Variants in SEL1L3 observed in about 807,000 individuals in gnomAD.
The protein encoded by SEL1L3 is SEL1L family member 3.
Under a neutral mutation model 142.8 loss-of-function variants are expected in SEL1L3, and 76 were observed. That is an observed-to-expected ratio of 0.53 (90% CI 0.44 to 0.64). The LOEUF (loss-of-function observed/expected upper bound fraction) is 0.64, where lower values mean the gene tolerates loss of function less well. Among genes scored for constraint, SEL1L3 ranks in the 30% least tolerant of loss-of-function variants. The probability of loss-of-function intolerance (pLI) is 0.00; values close to 1 mark genes in which losing one functional copy is unlikely to be tolerated. For missense variants in SEL1L3, 1,262 were observed against 1,381.7 expected (o/e 0.91, Z 1.37); for synonymous variants, 504 against 519.6 (o/e 0.97, Z 0.41).
In SEL1L3 at chr4:25,759,055, A is replaced by G. The variant is rs985438418; in HGVS notation, c.2969T>C (p.Leu990Pro). Residue 990 changes from leucine (L) to proline (P), a missense_variant, in exon 21 of 24, where the codon CTG becomes CCG. Coordinates refer to ENST00000399878, the MANE Select transcript of SEL1L3 (RefSeq NM_015187.5). Reference protein sequence around the residue: ...LDGDSQGFFNLALLIEEGTII... With the variant: ...LDGDSQGFFNPALLIEEGTII... ...CGTACCTTCCTCGATTAGCAGGGCCAGGTTAAAAAATCCCTAAAAACAAGC... is the reference window on the plus strand; with the variant it reads ...CGTACCTTCCTCGATTAGCAGGGCCGGGTTAAAAAATCCCTAAAAACAAGC... 8.1e-6 allele frequency: 13 copies of G among 1,613,128 alleles called. No individual in the cohort carries two copies. Among genetic ancestry groups the G allele is most frequent in the Non-Finnish European group, 1.0e-5 (12 of 1,179,728 alleles).
In SEL1L3 at chr4:25,763,402, C is replaced by A. The variant is rs922723781; in HGVS notation, c.2955+1924G>T. Among the ~76,000 whole-genome samples the A allele has an allele frequency of 2.6e-5, 4 of 152,120 alleles. No homozygotes were observed. The South Asian group carries it at 8.3e-4, about 31-fold the overall frequency. ...ATCTATGAGGCAGATGCTCTTATTA[C>A]CCCCATTTACATTTACACATGCACA... is the stretch of plus-strand genomic sequence containing the variant. On this transcript the variant is annotated intron_variant, in intron 20 of 23. Coordinates refer to ENST00000399878, the MANE Select transcript of SEL1L3 (RefSeq NM_015187.5).
rs376248192 is a variant in SEL1L3 at position 25,790,406 on chromosome 4, A to G, written c.2076+49T>C. On this transcript the variant is annotated intron_variant, in intron 12 of 23. Transcript: ENST00000399878. ...ATGTTTCATTACCACGGTATAACCCAGTCTATCATGGCTGACAGAATCCCC... is the reference window on the plus strand; with the variant it reads ...ATGTTTCATTACCACGGTATAACCCGGTCTATCATGGCTGACAGAATCCCC... 77 of 1,591,056 alleles carry G rather than the reference A, an allele frequency of 4.8e-5. No homozygotes were observed. In the East Asian group the frequency reaches 1.5e-3, roughly 30 times the overall value.
chr4:25,726,357 G>C, the SEL1L3 span, among the ~76,000 whole-genome samples: 1 of 151,750 alleles, frequency 6.6e-6, no homozygotes. Flanking sequence ...GTGAAACCCC[G>C]TCTCTACTAA....
the SEL1L3 span, among the ~76,000 whole-genome samples, chr4:25,727,009 C>T: frequency 1.3e-5 from 2 of 151,862 alleles, no homozygotes; most frequent in African/African-American, 2.4e-5. Flanking sequence ...CGTCCCCCAG[C>T]GCCCTTCGTG....
chr4:25,834,650 C>T (rs1442351345), intron 3 of SEL1L3, among the ~76,000 whole-genome samples: 2 of 152,124 alleles, frequency 1.3e-5, no homozygotes, highest in East Asian at 1.9e-4. Flanking sequence ...AACATACGCT[C>T]GGTAAAGTGA....
chr4:25,764,096 C>A (rs941221306), intron 20 of SEL1L3, among the ~76,000 whole-genome samples: 14 of 152,140 alleles, frequency 9.2e-5, no homozygotes, highest in Non-Finnish European at 1.8e-4. Context: ...TCGTAATAGG[C>A]AAAATTCTTG....
chr4:25,737,595 A>G, the SEL1L3 span, among the ~76,000 whole-genome samples: 94 of 152,286 alleles, frequency 6.2e-4, 1 homozygote, highest in South Asian at 0.014. Context: ...TAGGGATTCT[A>G]CATTTGAGTT....
intron 17 of SEL1L3, among the ~76,000 whole-genome samples, chr4:25,775,159 T>G (rs1308589354): frequency 2.0e-5 from 3 of 152,212 alleles, no homozygotes; most frequent in African/African-American, 2.4e-5. Flanking sequence ...ACAAAAATTG[T>G]AAGGTACATT....
intron 2 of SEL1L3, among the ~76,000 whole-genome samples, chr4:25,838,465 C>G (rs900481176): frequency 2.4e-4 from 36 of 152,340 alleles, no homozygotes; most frequent in African/African-American, 8.7e-4. Flanking sequence ...AGAAGAAGCT[C>G]TAATATGACT....
rs2109104810 is a variant in SEL1L3, at chr4:25,748,228, G to A, written c.*197C>T. The A allele has an allele frequency of 1.8e-6, 1 of 568,476 alleles. No individual in the cohort carries two copies. The highest frequency in any genetic ancestry group is 3.1e-6 in the Non-Finnish European group (1 of 320,948). The allele number at this position is 568,476 out of a possible 1,614,324, so 35.2% of individuals were successfully genotyped here. ...AAGATGTTCCTTGTATGTGTTTGAT[G>A]ACCTTTGGTATTACCACTGCCTGAT... On this transcript the variant is annotated 3_prime_UTR_variant, in exon 24 of 24. Coordinates refer to ENST00000399878, the MANE Select transcript of SEL1L3 (RefSeq NM_015187.5).
At chr4:25,847,244 G>T in intron 2 of SEL1L3, 50 bp downstream of exon 2, 2 of 1,459,542 alleles carry the variant, frequency 1.4e-6, no homozygotes, top group South Asian at 2.6e-5. Flanking sequence ...TCATGATACA[G>T]GCTATCTGAA....
At chr4:25,860,857 T>C (rs1717656469) in intron 1 of SEL1L3, among the ~76,000 whole-genome samples, 1 of 152,230 alleles carries the variant, frequency 6.6e-6, no homozygotes, top group South Asian at 2.1e-4. Flanking sequence ...ACTCCTTCAC[T>C]ATCTCACTTG....
chr4:25,839,034 A>G (rs565319617), intron 2 of SEL1L3, among the ~76,000 whole-genome samples: 15 of 152,346 alleles, frequency 9.8e-5, no homozygotes, highest in Non-Finnish European at 1.9e-4. Context: ...AGGAATCACA[A>G]TGACTACAAG....
At position 25,774,394 on chromosome 4, in the gene SEL1L3, T is replaced by C. The variant is rs183427425; in HGVS notation, c.2669+1883A>G. Among the ~76,000 whole-genome samples, 70 of 152,142 alleles carry C rather than the reference T, an allele frequency of 4.6e-4. No homozygotes were observed. In the Middle Eastern group the frequency reaches 0.014, roughly 30 times the overall value. The stretch of plus-strand genomic sequence containing the variant: ...CAAAGGGTACAGGACACACTTCAGG[T>C]CTCCTTTCTCCTTCCCCCAACCAAC... On this transcript the variant is annotated intron_variant, in intron 17 of 23. Transcript: ENST00000399878.
intron 9 of SEL1L3, among the ~76,000 whole-genome samples, chr4:25,809,990 G>A (rs1278259308): frequency 1.3e-5 from 2 of 152,224 alleles, no homozygotes; most frequent in Non-Finnish European, 2.9e-5. Flanking sequence ...GGCGTATTGT[G>A]TGGGGACACC....
At chr4:25,751,203 T>C (rs1717565783) in intron 23 of SEL1L3, among the ~76,000 whole-genome samples, 1 of 152,276 alleles carries the variant, frequency 6.6e-6, no homozygotes, top group Middle Eastern at 3.4e-3. Flanking sequence ...GCCTGATCCA[T>C]TAAGGCAATT....
rs538979656 is a variant in SEL1L3 at position 25,845,858 on chromosome 4, G to A, written c.733+1436C>T. Among the ~76,000 whole-genome samples, 25 of 152,250 alleles carry A rather than the reference G, an allele frequency of 1.6e-4. No individual in the cohort carries two copies. The South Asian group carries it at 5.0e-3, about 30-fold the overall frequency. ...CAAGCCTGGCTGGGGGTCGGGACAC[G>A]GGAACCATAGCAATCCTAAGTCCAA... is the stretch of plus-strand genomic sequence containing the variant. On this transcript the variant is annotated intron_variant, in intron 2 of 23. Transcript: ENST00000399878.
At chr4:25,793,082 T>C (rs923396167) in intron 11 of SEL1L3, among the ~76,000 whole-genome samples, 1 of 152,230 alleles carries the variant, frequency 6.6e-6, no homozygotes, top group African/African-American at 2.4e-5. Flanking sequence ...ACAGTCACCA[T>C]GAATATCCTC....
At position 25,782,307 on chromosome 4, in the gene SEL1L3, C is replaced by A; in HGVS notation, c.2392G>T (p.Ala798Ser). ...LKAEEMGNPD[A>S]SYNLGVLHLD... ...TGCAGGACTCCAAGATTGTATGACG[C>A]ATCTGGGTTCCCCATTTCTTCTGCT... Residue 798 changes from alanine to serine, a missense_variant, in exon 15 of 24, where the codon GCG becomes TCG. Transcript: ENST00000399878. The A allele has an allele frequency of 6.2e-7, 1 of 1,613,922 alleles. No homozygotes were observed. Among genetic ancestry groups the A allele is most frequent in the Non-Finnish European group, 8.5e-7 (1 of 1,179,804 alleles).
Sources: allele counts gnomAD v4.1 joint callset (sites outside exome capture counted in the v4.1 genomes callset), GRCh38; gene constraint gnomAD v4.1.1; transcripts MANE v1.5; gene names NCBI Gene and HGNC (gene_info 2026-07-23, HGNC 2026-07-21).